CPAMD8: variants seen among roughly 807,000 people sequenced by gnomAD.
CPAMD8 encodes the protein C3 and PZP-like alpha-2-macroglobulin domain-containing protein 8.
In CPAMD8, 146 loss-of-function variants were observed where a neutral mutation model predicts 224.7. The observed-to-expected ratio is 0.65, with a 90% CI of 0.57 to 0.75. The LOEUF (loss-of-function observed/expected upper bound fraction) is 0.75. CPAMD8 is among the 30% of genes least tolerant of loss of function. The pLI is 0.00. For missense variants in CPAMD8, 2,301 were observed against 2,537.5 expected (o/e 0.91, Z 2.00); for synonymous variants, 966 against 1,044.6 (o/e 0.92, Z 1.45).
intron 18 of CPAMD8, among the ~76,000 whole-genome samples, chr19:16,969,782 G>A (rs1438924715): frequency 6.7e-6 from 1 of 149,560 alleles, no homozygotes; most frequent in East Asian, 2.0e-4. Context: ...GCTGAGGCAG[G>A]AGAATCACTT....
intron 35 of CPAMD8, 38 bp from the exon 36 acceptor site, chr19:16,901,335 C>T: frequency 7.2e-7 from 1 of 1,395,312 alleles, no homozygotes; most frequent in Non-Finnish European, 1.0e-6. Context: ...CCCTAGAGCT[C>T]AAGCCCAGAG....
At chr19:16,904,198 C>CCCCAAA in intron 32 of CPAMD8, 28 bp downstream of exon 32, 1 of 1,272,434 alleles carries the variant, frequency 7.9e-7, no homozygotes, top group African/African-American at 1.5e-5. Context: ...CAGCCCTGAG[C>CCCCAAA]CCCTCCCTCT....
chr19:16,954,343 A>G (rs1050959195), intron 19 of CPAMD8, among the ~76,000 whole-genome samples: 18 of 152,086 alleles, frequency 1.2e-4, no homozygotes, highest in Admixed American at 4.6e-4. Flanking sequence ...AAAAAAAAAA[A>G]AAAAGAAAAG....
At position 17,009,165 on chromosome 19, in the gene CPAMD8, A is replaced by G; in HGVS notation, c.504+138T>C. 4 of 1,436,636 alleles carry G rather than the reference A, an allele frequency of 2.8e-6. No homozygotes were observed. In the South Asian group the frequency reaches 4.8e-5, roughly 17 times the overall value. 89.0% of individuals were successfully genotyped at this position (1,436,636 alleles called of 1,614,324 possible). A position where few individuals can be genotyped will look rare whatever the true frequency, so the allele number is the denominator to read the frequency against. On this transcript the variant is annotated intron_variant, in intron 6 of 41. Transcript: ENST00000443236. ...AGGGCGGACCCAGGGACCAGGATAG[A>G]AGAGGCCAGGTCCCAGCCTTGTAAG...
intron 29 of CPAMD8, among the ~76,000 whole-genome samples, chr19:16,913,193 A>G (rs780152545): frequency 1.3e-4 from 20 of 152,042 alleles, no homozygotes; most frequent in Non-Finnish European, 2.9e-4. Context: ...GACATATTTG[A>G]CCACTTCCAT....
chr19:17,007,257 C>T (rs2056516800), intron 7 of CPAMD8, among the ~76,000 whole-genome samples: 2 of 151,864 alleles, frequency 1.3e-5, no homozygotes. Context: ...TGGCTTGAAC[C>T]CGGGAGGCGG....
intron 24 of CPAMD8, 151 bp downstream of exon 24, chr19:16,928,791 G>A: frequency 1.9e-6 from 1 of 532,324 alleles, no homozygotes; most frequent in Non-Finnish European, 3.2e-6. Flanking sequence ...TTTTCGGTAA[G>A]CGACTCTAGA....
chr19:16,994,515 C>CTTTT (rs71180347), intron 11 of CPAMD8, among the ~76,000 whole-genome samples: 2,680 of 105,256 alleles, frequency 0.025, 167 homozygotes, highest in African/African-American at 0.064. Flanking sequence ...TAACCACTCC[C>CTTTT]TTTTTTTTTT....
intron 23 of CPAMD8, among the ~76,000 whole-genome samples, chr19:16,937,650 CT>C (rs550702792): frequency 0.027 from 3,174 of 116,744 alleles, 41 homozygotes; most frequent in Middle Eastern, 0.051. Flanking sequence ...TAACTTCATA[CT>C]TTTTTTTTTT....
intron 20 of CPAMD8, among the ~76,000 whole-genome samples, chr19:16,951,372 T>A (rs1407695629): frequency 6.6e-6 from 1 of 152,002 alleles, no homozygotes; most frequent in Non-Finnish European, 1.5e-5. Flanking sequence ...GGAAAAAAAA[T>A]TAAAAGAAGA....
intron 3 of CPAMD8, among the ~76,000 whole-genome samples, chr19:17,019,741 T>G (rs1220761794): frequency 6.6e-6 from 1 of 151,406 alleles, no homozygotes; most frequent in East Asian, 1.9e-4. Flanking sequence ...TTTTGTATTT[T>G]TTTTTTTTGT....
chr19:17,020,855 A>T (rs1340724625), intron 2 of CPAMD8, among the ~76,000 whole-genome samples: 2 of 152,208 alleles, frequency 1.3e-5, no homozygotes, highest in Non-Finnish European at 2.9e-5. Flanking sequence ...GCCTCCCAGC[A>T]ACCATTATCC....
At position 16,970,926 on chromosome 19, in the gene CPAMD8, G is replaced by C. The variant is rs762936645; in HGVS notation, c.2178C>G (p.Ser726Arg). ...GCCTGGAAGGAGCCACTGCCACCAG[G>C]CTCCCTGTGTGGGGCTGGAAAGCGG... ...AVPAFQPHTG[S>R]LVAVAPSRHP... Residue 726 changes from serine to arginine, a missense_variant, in exon 18 of 42, where the codon AGC (serine) becomes AGG (arginine). This residue lies in a region of CPAMD8 where 1,709 missense variants were observed against 1,753.2 expected (regional missense o/e 0.97). Transcript: ENST00000443236. 2 of 1,613,820 alleles carry C rather than the reference G, an allele frequency of 1.2e-6. No homozygotes were observed. The highest frequency in any genetic ancestry group is 1.7e-6 in the Non-Finnish European group (2 of 1,179,906).
Position 16,904,253 on chromosome 19 carries a change from A to C in CPAMD8, c.4224T>G (p.Asn1408Lys), listed in dbSNP as rs751318733. The C allele has an allele frequency of 1.6e-5, 25 of 1,546,598 alleles. No individual in the cohort carries two copies. The highest frequency in any genetic ancestry group is 2.2e-5 in the Non-Finnish European group (25 of 1,140,326). ...GAGTGGAGGAGAAGCCCCCAAGTGC[A>C]TTTCGCTGCTGGGACAGCCACTTCA... ...PVVKWLSQQR[N>K]ALGGFSSTQD... Residue 1408 changes from asparagine (N) to lysine (K), a missense_variant, in exon 32 of 42, where the codon AAT becomes AAG. Asn to Lys is a moderately conservative substitution (Grantham distance 94). This residue lies in a region of CPAMD8 where 1,709 missense variants were observed against 1,753.2 expected (regional missense o/e 0.97). Transcript: ENST00000443236.
intron 3 of CPAMD8, 98 bp from the exon 4 acceptor site, chr19:17,011,855 C>T: frequency 7.3e-7 from 1 of 1,366,598 alleles, no homozygotes; most frequent in Non-Finnish European, 9.9e-7. Flanking sequence ...GGGGAACTCA[C>T]CCCAGGAGTG....
chr19:17,007,722 T>C (rs1359225617), intron 7 of CPAMD8, among the ~76,000 whole-genome samples: 1 of 152,048 alleles, frequency 6.6e-6, no homozygotes, highest in Admixed American at 6.5e-5. Flanking sequence ...ATCACACCCC[T>C]CACAGGCAAA....
intron 14 of CPAMD8, among the ~76,000 whole-genome samples, chr19:16,980,074 C>A (rs749285078): frequency 6.6e-6 from 1 of 152,008 alleles, no homozygotes; most frequent in Non-Finnish European, 1.5e-5. Flanking sequence ...AAGTTGGGGA[C>A]CCTGTATTGA....
At chr19:16,937,089 CTCCT>C (rs1414405040) in intron 23 of CPAMD8, among the ~76,000 whole-genome samples, 1 of 135,764 alleles carries the variant, frequency 7.4e-6, no homozygotes, top group Non-Finnish European at 1.5e-5. Flanking sequence ...TCCTTCCTTC[CTCCT>C]TCCTTCCTTT....
intron 1 of CPAMD8, among the ~76,000 whole-genome samples, chr19:17,023,250 TA>T (rs1307837015): frequency 6.6e-6 from 1 of 152,050 alleles, no homozygotes; most frequent in African/African-American, 2.4e-5. Context: ...TTCAGAAGAA[TA>T]GGAACATGCA....
Sources: allele counts gnomAD v4.1 joint callset (sites outside exome capture counted in the v4.1 genomes callset), GRCh38; gene constraint gnomAD v4.1.1; regional missense constraint gnomAD v4.1.1; transcripts MANE v1.5; gene names NCBI Gene and HGNC (gene_info 2026-07-23, HGNC 2026-07-21).